Variants in RPL26L1 observed in about 807,000 individuals in gnomAD.
RPL26L1 encodes the protein ribosomal protein L26 like 1, also known as ribosomal protein uL24-like.
In RPL26L1, 8 loss-of-function variants were observed where a neutral mutation model predicts 15.2. That is an observed-to-expected ratio of 0.53 (90% CI 0.31 to 0.95). The LOEUF (loss-of-function observed/expected upper bound fraction) is 0.95, where lower values mean the gene tolerates loss of function less well. RPL26L1 is among the 40% of genes least tolerant of loss of function. RPL26L1 has a pLI of 0.05. For synonymous variants in RPL26L1, 51 were observed against 65.9 expected (o/e 0.77, Z 1.09); for missense variants, 146 against 190.9 (o/e 0.76, Z 1.39).
intron 2 of RPL26L1, among the ~76,000 whole-genome samples, chr5:172,961,017 A>G (rs1755216803): frequency 6.6e-6 from 1 of 152,208 alleles, no homozygotes; most frequent in South Asian, 2.1e-4. Flanking sequence ...AGTTGTGACA[A>G]GCAAAAATAT....
intron 2 of RPL26L1, among the ~76,000 whole-genome samples, chr5:172,967,781 T>C (rs961230497): frequency 6.6e-6 from 1 of 151,510 alleles, no homozygotes; most frequent in African/African-American, 2.4e-5. Context: ...CATATATACG[T>C]ATGTATACAC....
upstream of RPL26L1, chr5:172,955,959 G>A (rs1754963181): frequency 6.6e-6 from 1 of 152,220 alleles, no homozygotes; most frequent in Admixed American, 6.5e-5. Context: ...GTGCCAAAAG[G>A]GAAAACTGGA....
At chr5:172,962,408 T>C (rs1755265083) in intron 2 of RPL26L1, among the ~76,000 whole-genome samples, 1 of 152,146 alleles carries the variant, frequency 6.6e-6, no homozygotes, top group African/African-American at 2.4e-5. Context: ...CTCGGGAGGC[T>C]GAAGCATGAC....
At chr5:172,955,505 G>A (rs1256480529), upstream of RPL26L1, 1 of 155,842 alleles carries the variant, frequency 6.4e-6, no homozygotes, top group African/African-American at 2.4e-5. Context: ...GGCCACTGGA[G>A]GTCTCAATCC....
chr5:172,961,688 C>G (rs1024349811), intron 2 of RPL26L1, among the ~76,000 whole-genome samples: 4 of 152,260 alleles, frequency 2.6e-5, no homozygotes, highest in Non-Finnish European at 5.9e-5. Context: ...GTGGACACAT[C>G]TAGCATCTCT....
Position 172,969,769 on chromosome 5 carries a change from C to T in RPL26L1, c.*228C>T. On this transcript the variant is annotated 3_prime_UTR_variant, in exon 4 of 4. Coordinates refer to ENST00000265100, the MANE Select transcript of RPL26L1 (RefSeq NM_016093.4). ...TTTATAAATAAATTCCACTTACTAT[C>T]AATTCCCCTTTGCCAGTCTTTTCCT... is the stretch of plus-strand genomic sequence containing the variant. The T allele has an allele frequency of 2.6e-6, 1 of 379,092 alleles. No homozygotes were observed. The highest frequency in any genetic ancestry group is 2.7e-5 in the South Asian group (1 of 36,924). The allele number at this position is 379,092 out of a possible 1,614,324, so 23.5% of individuals were successfully genotyped here.
At chr5:172,954,935 T>C (rs980440919), upstream of RPL26L1, 15 of 455,574 alleles carry the variant, frequency 3.3e-5, no homozygotes, top group East Asian at 1.4e-4. Flanking sequence ...GGTTGGGAGC[T>C]GTGGTGGGTC....
chr5:172,966,447 C>T (rs1369419274), intron 2 of RPL26L1, among the ~76,000 whole-genome samples: 1 of 147,482 alleles, frequency 6.8e-6, no homozygotes, highest in Non-Finnish European at 1.5e-5. Context: ...CAGCTGTGAG[C>T]CACCATGCCC....
At chr5:172,968,699 G>T in intron 3 of RPL26L1, 100 bp downstream of exon 3, 1 of 1,359,970 alleles carries the variant, frequency 7.4e-7, no homozygotes, top group Non-Finnish European at 1.0e-6. Context: ...GGCTGAGGCA[G>T]GCCAGGTGGA....
chr5:172,959,583 C>G, intron 1 of RPL26L1, 115 bp downstream of exon 1: 1 of 1,210,862 alleles, frequency 8.3e-7, no homozygotes, highest in Non-Finnish European at 1.0e-6. Flanking sequence ...GACCTCCCGA[C>G]CACCCATTCC....
intron 2 of RPL26L1, among the ~76,000 whole-genome samples, chr5:172,967,674 T>C (rs1755507681): frequency 6.6e-6 from 1 of 152,022 alleles, no homozygotes; most frequent in African/African-American, 2.4e-5. Flanking sequence ...TCCTGCTTCC[T>C]GCCTAATGGC....
chr5:172,963,522 A>C (rs1016069539), intron 2 of RPL26L1, among the ~76,000 whole-genome samples: 4 of 152,190 alleles, frequency 2.6e-5, no homozygotes, highest in Non-Finnish European at 2.9e-5. Context: ...ATACACCTTG[A>C]TCTTTTCTCC....
intron 2 of RPL26L1, among the ~76,000 whole-genome samples, chr5:172,966,663 G>A (rs551425516): frequency 2.0e-5 from 3 of 152,164 alleles, no homozygotes; most frequent in Admixed American, 1.3e-4. Flanking sequence ...TCTTCCAGGT[G>A]TGTCCTGAGA....
At chr5:172,964,477 G>A (rs1755375084) in intron 2 of RPL26L1, among the ~76,000 whole-genome samples, 1 of 151,658 alleles carries the variant, frequency 6.6e-6, no homozygotes, top group Admixed American at 6.6e-5. Context: ...ATAGAGACGG[G>A]GTTTTACCAT....
At chr5:172,961,141 A>T (rs908332324) in intron 2 of RPL26L1, among the ~76,000 whole-genome samples, 21 of 152,198 alleles carry the variant, frequency 1.4e-4, no homozygotes, top group Non-Finnish European at 2.9e-5. Context: ...TTGGTGTATC[A>T]TCTGAGACAC....
intron 2 of RPL26L1, 52 bp from the exon 3 acceptor site, chr5:172,968,404 CTTT>C: frequency 6.3e-7 from 1 of 1,595,308 alleles, no homozygotes; most frequent in Non-Finnish European, 8.6e-7. Flanking sequence ...TTAGCTTCCT[CTTT>C]ATGATCATGC....
rs993202755 is a variant in RPL26L1 at position 172,969,735 on chromosome 5, T to G, written c.*194T>G. The G allele has an allele frequency of 4.9e-5, 22 of 450,682 alleles. No individual in the cohort carries two copies. The highest frequency in any genetic ancestry group is 8.0e-5 in the Non-Finnish European group (20 of 250,184). 27.9% of individuals were successfully genotyped at this position (450,682 alleles called of 1,614,324 possible). ...AATGCTTCCTAATTCCACATAGTAT[T>G]TGCATTGTTTTATAAATAAATTCCA... is the stretch of plus-strand genomic sequence containing the variant. On this transcript the variant is annotated 3_prime_UTR_variant, in exon 4 of 4. Coordinates refer to ENST00000265100, the MANE Select transcript of RPL26L1 (RefSeq NM_016093.4).
At chr5:172,965,770 T>C (rs1261406913) in intron 2 of RPL26L1, among the ~76,000 whole-genome samples, 1 of 152,164 alleles carries the variant, frequency 6.6e-6, no homozygotes, top group Non-Finnish European at 1.5e-5. Flanking sequence ...ATACCATCAC[T>C]CCTTGAGCAA....
At chr5:172,957,585 G>C (rs1271154542), upstream of RPL26L1, 2 of 279,900 alleles carry the variant, frequency 7.1e-6, no homozygotes, top group Non-Finnish European at 1.4e-5. Flanking sequence ...ATATGTGATA[G>C]AGAAATGAGT....
Sources: gnomAD v4.1 joint callset for allele counts (sites outside exome capture counted in the v4.1 genomes callset) on GRCh38, gnomAD v4.1.1 for gene constraint, MANE v1.5 for transcripts, NCBI Gene and HGNC (gene_info 2026-07-23, HGNC 2026-07-21) for gene names.